Variants in EIPR1 observed in about 807,000 individuals in gnomAD.
EIPR1 encodes EARP and GARP complex-interacting protein 1.
EIPR1 carries 25 observed loss-of-function variants against 48.1 expected under a neutral mutation model. The ratio of observed to expected loss-of-function variants is 0.52; its 90% CI spans 0.38 to 0.73. The LOEUF (loss-of-function observed/expected upper bound fraction) is 0.73, where lower values mean the gene tolerates loss of function less well. Ranked by LOEUF, EIPR1 falls within the 30% of genes least tolerant of loss-of-function variation. EIPR1 has a pLI of 0.00. For missense variants in EIPR1, 415 were observed against 506.2 expected (o/e 0.82, Z 1.73); for synonymous variants, 204 against 201.9 (o/e 1.01, Z -0.09).
At chr2:3,328,160 G>A (rs1164675121) in intron 3 of EIPR1, among the ~76,000 whole-genome samples, 1 of 152,166 alleles carries the variant, frequency 6.6e-6, no homozygotes, top group Non-Finnish European at 1.5e-5. Flanking sequence ...AGACCTCCAG[G>A]TCCAAACATC....
chr2:3,253,709 T>C (rs1667071553), intron 4 of EIPR1, among the ~76,000 whole-genome samples: 1 of 152,320 alleles, frequency 6.6e-6, no homozygotes, highest in Admixed American at 6.5e-5. Flanking sequence ...GCTCTATAAG[T>C]TCCTTCCTTA....
intron 3 of EIPR1, among the ~76,000 whole-genome samples, chr2:3,293,299 G>A (rs1668424440): frequency 6.6e-6 from 1 of 152,182 alleles, no homozygotes; most frequent in Admixed American, 6.5e-5. Flanking sequence ...ATCTTTACTG[G>A]GTCAGTGGCT....
chr2:3,344,568 GTACATTTAGGAAAC>G (rs1670345144), intron 2 of EIPR1, among the ~76,000 whole-genome samples: 1 of 146,752 alleles, frequency 6.8e-6, no homozygotes, highest in Non-Finnish European at 1.5e-5. Flanking sequence ...CTCAGCATTT[GTACATTTAGGAAAC>G]TACATCTCTA....
chr2:3,225,222 A>ATGTGTGTGTGTGTGTGTGTG (rs61557621), intron 4 of EIPR1, among the ~76,000 whole-genome samples: 5 of 136,928 alleles, frequency 3.7e-5, no homozygotes, highest in African/African-American at 1.1e-4. Flanking sequence ...ACACTGTGAT[A>ATGTGTGTGTGTGTGTGTGTG]TGTGTGTGTG....
At chr2:3,326,488 TG>T in intron 3 of EIPR1, among the ~76,000 whole-genome samples, 1 of 152,274 alleles carries the variant, frequency 6.6e-6, no homozygotes, top group Non-Finnish European at 1.5e-5. Flanking sequence ...AAAGAAAGGC[TG>T]GGAAAATACC....
At chr2:3,275,646 A>G (rs1667826510) in intron 3 of EIPR1, among the ~76,000 whole-genome samples, 1 of 152,210 alleles carries the variant, frequency 6.6e-6, no homozygotes, top group East Asian at 1.9e-4. Flanking sequence ...CTTTTATGGA[A>G]AAGAGACTCC....
chr2:3,288,077 C>T (rs920755431), intron 3 of EIPR1, among the ~76,000 whole-genome samples: 2 of 152,228 alleles, frequency 1.3e-5, no homozygotes, highest in African/African-American at 4.8e-5. Flanking sequence ...CAGGGTGCAT[C>T]CTGACGGGGT....
At chr2:3,257,165 T>C (rs1163909627) in intron 4 of EIPR1, 134 bp downstream of exon 4, 6 of 1,086,324 alleles carry the variant, frequency 5.5e-6, no homozygotes, top group Admixed American at 3.2e-5. Context: ...AAAAATCAAA[T>C]TCTCGCAGCT....
intron 1 of EIPR1, among the ~76,000 whole-genome samples, chr2:3,364,031 T>TAG (rs1670914854): frequency 6.6e-6 from 1 of 152,150 alleles, no homozygotes; most frequent in South Asian, 2.1e-4. Flanking sequence ...GGCAAGGATG[T>TAG]AGAGAGAGGG....
intron 7 of EIPR1, 69 bp from the exon 8 acceptor site, chr2:3,192,650 G>A (rs572515981): frequency 5.7e-5 from 87 of 1,518,080 alleles, no homozygotes; most frequent in African/African-American, 5.5e-5. Flanking sequence ...GGATCACACC[G>A]GCTCTGAGGG....
At chr2:3,250,643 G>C (rs1666973012) in intron 4 of EIPR1, among the ~76,000 whole-genome samples, 2 of 152,186 alleles carry the variant, frequency 1.3e-5, no homozygotes, top group South Asian at 4.1e-4. Flanking sequence ...ATCTCATGTG[G>C]AAATGTGATC....
At chr2:3,333,844 G>A (rs999439263) in intron 3 of EIPR1, among the ~76,000 whole-genome samples, 5 of 152,108 alleles carry the variant, frequency 3.3e-5, no homozygotes, top group East Asian at 3.9e-4. Flanking sequence ...ACTGTCTTTC[G>A]GAAGGAGGGT....
chr2:3,295,612 A>C (rs1668545974), intron 3 of EIPR1, among the ~76,000 whole-genome samples: 2 of 59,464 alleles, frequency 3.4e-5, no homozygotes, highest in African/African-American at 7.1e-5. Flanking sequence ...CACACCCTCC[A>C]TCAAGCCCAT....
At chr2:3,227,048 C>T (rs934484170) in intron 4 of EIPR1, among the ~76,000 whole-genome samples, 3 of 152,204 alleles carry the variant, frequency 2.0e-5, no homozygotes, top group Middle Eastern at 3.4e-3. Context: ...CAGACAAATA[C>T]GGTAAATTGG....
chr2:3,257,623 C>A, intron 3 of EIPR1, 168 bp from the exon 4 acceptor site: 1 of 702,422 alleles, frequency 1.4e-6, no homozygotes, highest in Non-Finnish European at 2.2e-6. Flanking sequence ...CAGCCTGAGT[C>A]GGCAGGCAGA....
intron 4 of EIPR1, among the ~76,000 whole-genome samples, chr2:3,222,258 A>G (rs1665919589): frequency 6.6e-6 from 1 of 152,214 alleles, no homozygotes. Context: ...AGTGGGGGAG[A>G]GGACTGTATT....
At chr2:3,336,657 A>G (rs1401582615) in intron 3 of EIPR1, among the ~76,000 whole-genome samples, 2 of 152,012 alleles carry the variant, frequency 1.3e-5, no homozygotes, top group African/African-American at 2.4e-5. Context: ...AATCCCAGCT[A>G]CTCGGGAGGC....
At chr2:3,313,762 G>T (rs1223187712) in intron 3 of EIPR1, among the ~76,000 whole-genome samples, 1 of 152,222 alleles carries the variant, frequency 6.6e-6, no homozygotes, top group Non-Finnish European at 1.5e-5. Flanking sequence ...CACTGTAGGA[G>T]TCAAACTGTC....
At chr2:3,355,899 C>A (rs532715683) in intron 1 of EIPR1, among the ~76,000 whole-genome samples, 4 of 151,790 alleles carry the variant, frequency 2.6e-5, no homozygotes, top group Non-Finnish European at 5.9e-5. Context: ...GATCAAAAAC[C>A]AAAAGAAACA....
Sources: gnomAD v4.1 joint callset for allele counts (sites outside exome capture counted in the v4.1 genomes callset) on GRCh38, gnomAD v4.1.1 for gene constraint, MANE v1.5 for transcripts, NCBI Gene and HGNC (gene_info 2026-07-23, HGNC 2026-07-21) for gene names.